SPECC1L: variants seen among roughly 807,000 people sequenced by gnomAD.
The protein encoded by SPECC1L is sperm antigen with calponin homology and coiled-coil domains 1 like.
SPECC1L carries 40 observed loss-of-function variants against 116.8 expected under a neutral mutation model. The observed-to-expected ratio is 0.34, with a 90% CI of 0.27 to 0.45. The LOEUF is 0.45. Ranked by LOEUF, SPECC1L falls within the 20% of genes least tolerant of loss-of-function variation. The pLI is 1.00. For synonymous variants in SPECC1L, 504 were observed against 500.6 expected (o/e 1.01, Z -0.09); for missense variants, 1,110 against 1,373.6 (o/e 0.81, Z 3.03).
intron 14 of SPECC1L, among the ~76,000 whole-genome samples, chr22:24,392,202 A>G (rs867591141): frequency 6.6e-6 from 1 of 152,258 alleles, no homozygotes; most frequent in Non-Finnish European, 1.5e-5. Flanking sequence ...TCCAGTAAGT[A>G]GGTATTTTTA....
chr22:24,369,420 G>T, intron 14 of SPECC1L, 100 bp downstream of exon 14: 1 of 864,674 alleles, frequency 1.2e-6, no homozygotes, highest in South Asian at 1.4e-5. Context: ...GATAAGTCCT[G>T]ACCTGGCATG....
chr22:24,399,525 C>T (rs1297231057), intron 14 of SPECC1L, among the ~76,000 whole-genome samples: 3 of 151,776 alleles, frequency 2.0e-5, no homozygotes, highest in East Asian at 1.9e-4. Flanking sequence ...AGCTGAGATC[C>T]GCGCCACTGC....
intron 8 of SPECC1L, among the ~76,000 whole-genome samples, chr22:24,330,856 A>G (rs1234281991): frequency 1.3e-5 from 2 of 152,146 alleles, no homozygotes; most frequent in Non-Finnish European, 2.9e-5. Flanking sequence ...CAGTTTTCTC[A>G]TCTTTAAAAT....
intron 11 of SPECC1L, 50 bp downstream of exon 11, chr22:24,347,226 G>C (rs2041315107): frequency 6.9e-7 from 1 of 1,450,588 alleles, no homozygotes; most frequent in Non-Finnish European, 9.7e-7. Context: ...TTTTTGAATT[G>C]TTCTGGCTTT....
chr22:24,379,488 C>T (rs1457789543), intron 14 of SPECC1L, among the ~76,000 whole-genome samples: 2 of 152,000 alleles, frequency 1.3e-5, no homozygotes, highest in East Asian at 1.9e-4. Context: ...TATTCCATGC[C>T]TCTTGGATTC....
intron 6 of SPECC1L, among the ~76,000 whole-genome samples, chr22:24,325,031 C>T (rs938664647): frequency 1.1e-4 from 16 of 152,158 alleles, no homozygotes; most frequent in African/African-American, 3.9e-4. Context: ...ATGAGTAGGG[C>T]AGTGCCCAGA....
chr22:24,399,937 A>C (rs2042440125), intron 14 of SPECC1L, among the ~76,000 whole-genome samples: 1 of 152,222 alleles, frequency 6.6e-6, no homozygotes, highest in Non-Finnish European at 1.5e-5. Context: ...CATAGAATCC[A>C]TGCTCATGCA....
chr22:24,383,792 ATTTTTTT>A (rs538972717), intron 14 of SPECC1L, among the ~76,000 whole-genome samples: 28 of 77,310 alleles, frequency 3.6e-4, no homozygotes, highest in South Asian at 5.5e-4. Context: ...ACCCACCACT[ATTTTTTT>A]TTTTTTTTTT....
At chr22:24,364,895 G>T (rs1461434000) in intron 12 of SPECC1L, among the ~76,000 whole-genome samples, 5 of 152,264 alleles carry the variant, frequency 3.3e-5, no homozygotes, top group Admixed American at 1.3e-4. Flanking sequence ...CTCACTATGT[G>T]CTTGGTAGGT....
chr22:24,372,634 AAG>A (rs1320916646), intron 14 of SPECC1L, among the ~76,000 whole-genome samples: 1 of 152,214 alleles, frequency 6.6e-6, no homozygotes, highest in Non-Finnish European at 1.5e-5. Context: ...TCAAAATAAT[AAG>A]AGCTATCTAT....
intron 6 of SPECC1L, among the ~76,000 whole-genome samples, chr22:24,325,747 G>A (rs1346766176): frequency 6.6e-6 from 1 of 152,090 alleles, no homozygotes; most frequent in African/African-American, 2.4e-5. Context: ...AGATGACCAG[G>A]TAGCTTAAAA....
intron 10 of SPECC1L, 62 bp from the exon 11 acceptor site, chr22:24,347,024 C>A: frequency 8.1e-7 from 1 of 1,234,792 alleles, no homozygotes; most frequent in Non-Finnish European, 1.2e-6. Flanking sequence ...CTCTGTGCGG[C>A]ATTTACTTTG....
At position 24,280,577 on chromosome 22, in the gene SPECC1L, ATTTTTTT is replaced by A. The variant is rs34634285; in HGVS notation, c.-38+3788_-38+3794del. ...ATGAATGTGACTATGTTTCAATAAC[ATTTTTTT>A]TTTTTTTTTTTTTGAGACAGTGTCA... is the stretch of plus-strand genomic sequence containing the variant. On this transcript the variant is annotated intron_variant, in intron 2 of 16. Transcript: ENST00000314328. Among the ~76,000 whole-genome samples, 9 of 128,842 alleles carry A rather than the reference ATTTTTTT, an allele frequency of 7.0e-5. No individual in the cohort carries two copies. In the East Asian group the frequency reaches 1.6e-3, roughly 23 times the overall value. 84.5% of individuals were successfully genotyped at this position (128,842 alleles called of 152,430 possible).
chr22:24,365,386 G>T (rs1252121583), intron 12 of SPECC1L, 90 bp from the exon 13 acceptor site: 5 of 1,211,162 alleles, frequency 4.1e-6, no homozygotes, highest in African/African-American at 1.5e-5. Flanking sequence ...GGTAATATCT[G>T]TTGTTTTTGG....
At chr22:24,309,259 TC>T (rs1375993368) in intron 3 of SPECC1L, among the ~76,000 whole-genome samples, 1 of 152,200 alleles carries the variant, frequency 6.6e-6, no homozygotes, top group East Asian at 1.9e-4. Flanking sequence ...CCTTTCCACA[TC>T]CTATAATTGT....
intron 14 of SPECC1L, among the ~76,000 whole-genome samples, chr22:24,390,662 T>G (rs2042245161): frequency 6.6e-6 from 1 of 152,056 alleles, no homozygotes; most frequent in Admixed American, 6.6e-5. Context: ...ATTCTTTATG[T>G]GGACTGTGTC....
At chr22:24,326,841 C>T (rs778893819) in intron 6 of SPECC1L, among the ~76,000 whole-genome samples, 11 of 152,100 alleles carry the variant, frequency 7.2e-5, no homozygotes, top group Admixed American at 2.0e-4. Context: ...TTGCCCCTGC[C>T]GCCAACGTTT....
Position 24,322,905 on chromosome 22 carries a change from A to G in SPECC1L, c.1925A>G (p.Asp642Gly). ...HTRNDANRLQDAIAKVEDEYR... is the reference protein window; with the variant it reads ...HTRNDANRLQGAIAKVEDEYR... ...CGAAATGATGCCAATCGATTACAGG[A>G]TGCCATTGCTAAGGTATTGTTTAAA... The change falls in exon 5 of 17, where the codon GAT becomes GGT. Residue 642 changes from aspartate (D) to glycine (G), a missense_variant. By Grantham distance (94) the Asp-to-Gly change is moderately conservative. Coordinates refer to ENST00000314328, the MANE Select transcript of SPECC1L (RefSeq NM_015330.6). 2 of 1,613,976 alleles carry G rather than the reference A, an allele frequency of 1.2e-6. No homozygotes were observed. Among genetic ancestry groups the G allele is most frequent in the Middle Eastern group, 1.7e-4 (1 of 6,056 alleles).
chr22:24,311,358 A>C (rs182921978), intron 3 of SPECC1L, among the ~76,000 whole-genome samples: 6 of 152,346 alleles, frequency 3.9e-5, no homozygotes, highest in Admixed American at 2.0e-4. Context: ...ATACAAAAGA[A>C]GATTGAAAAT....
Sources: gnomAD v4.1 joint callset for allele counts (sites outside exome capture counted in the v4.1 genomes callset) on GRCh38, gnomAD v4.1.1 for gene constraint, MANE v1.5 for transcripts, NCBI Gene and HGNC (gene_info 2026-07-23, HGNC 2026-07-21) for gene names.